SAMMSON: variants seen among roughly 807,000 people sequenced by gnomAD.
SAMMSON encodes survival associated mitochondrial melanoma specific oncogenic non-coding RNA.
intron 7 of SAMMSON, among the ~76,000 whole-genome samples, chr3:70,326,257 C>A (rs1215690047): frequency 2.6e-5 from 4 of 152,002 alleles, no homozygotes. Context: ...ATATAGGCTG[C>A]AAATGATGGG....
chr3:70,248,361 AG>A (rs938057341), intron 4 of SAMMSON, among the ~76,000 whole-genome samples: 16 of 152,086 alleles, frequency 1.1e-4, no homozygotes, highest in African/African-American at 3.1e-4. Context: ...AATTTTGAAA[AG>A]CATGTTATAT....
At chr3:70,399,811 G>A (rs1424556739) in intron 2 of SAMMSON, among the ~76,000 whole-genome samples, 1 of 148,554 alleles carries the variant, frequency 6.7e-6, no homozygotes, top group Non-Finnish European at 1.5e-5. Flanking sequence ...GGAGGCAGAG[G>A]TTGCAGTGAG....
At chr3:70,321,701 A>T (rs184696392) in intron 7 of SAMMSON, among the ~76,000 whole-genome samples, 1 of 152,226 alleles carries the variant, frequency 6.6e-6, no homozygotes, top group African/African-American at 2.4e-5. Flanking sequence ...TTTATCCTAG[A>T]GGATCAACTT....
chr3:70,429,633 C>T (rs1002403946), intron 2 of SAMMSON, among the ~76,000 whole-genome samples: 7 of 152,152 alleles, frequency 4.6e-5, no homozygotes, highest in African/African-American at 1.7e-4. Flanking sequence ...TGTGTCCTCT[C>T]TTATTTCCTT....
chr3:70,393,711 G>T (rs12634673), downstream of SAMMSON, among the ~76,000 whole-genome samples: 1 of 151,874 alleles, frequency 6.6e-6, no homozygotes, highest in African/African-American at 2.4e-5. Context: ...AAAAAGTGTA[G>T]GAAACATCAG....
chr3:70,179,116 C>T (rs1701031446), intron 4 of SAMMSON, among the ~76,000 whole-genome samples: 1 of 152,146 alleles, frequency 6.6e-6, no homozygotes. Context: ...TAATTAGTCC[C>T]ATTTTAAAGA....
intron 3 of SAMMSON, chr3:70,015,368 A>G (rs2066978853): frequency 6.6e-6 from 1 of 151,666 alleles, no homozygotes; most frequent in Non-Finnish European, 1.5e-5. Context: ...CTCTGATTTT[A>G]AAAAAAGTAC....
intron 4 of SAMMSON, among the ~76,000 whole-genome samples, chr3:70,218,715 G>C (rs908956164): frequency 3.3e-5 from 5 of 152,046 alleles, no homozygotes; most frequent in Non-Finnish European, 7.4e-5. Flanking sequence ...GTCACTTAAA[G>C]CCTACAAGAG....
intron 6 of SAMMSON, among the ~76,000 whole-genome samples, chr3:70,259,340 A>G (rs986108014): frequency 1.3e-5 from 2 of 152,146 alleles, no homozygotes; most frequent in African/African-American, 4.8e-5. Flanking sequence ...AGCTCTTTAG[A>G]GGATCTAAAG....
At chr3:70,294,660 A>G (rs1335435022) in intron 7 of SAMMSON, among the ~76,000 whole-genome samples, 6 of 151,926 alleles carry the variant, frequency 3.9e-5, no homozygotes, top group Non-Finnish European at 5.9e-5. Flanking sequence ...TCAAAAAATA[A>G]AGTAATTTAT....
intron 4 of SAMMSON, among the ~76,000 whole-genome samples, chr3:70,170,739 A>G (rs1025617752): frequency 1.6e-4 from 24 of 151,942 alleles, no homozygotes; most frequent in African/African-American, 5.1e-4. Context: ...TCTAGATATT[A>G]TTTTCTGTAT....
intron 3 of SAMMSON, among the ~76,000 whole-genome samples, chr3:70,064,437 T>G (rs551108675): frequency 6.6e-6 from 1 of 152,114 alleles, no homozygotes; most frequent in Non-Finnish European, 1.5e-5. Context: ...CAAGGAATAA[T>G]ATTGCAATCC....
At chr3:70,284,938 T>C (rs1359830084) in intron 6 of SAMMSON, among the ~76,000 whole-genome samples, 1 of 152,180 alleles carries the variant, frequency 6.6e-6, no homozygotes, top group Non-Finnish European at 1.5e-5. Flanking sequence ...TTGGTGTAAC[T>C]GATTCATGTG....
At chr3:70,126,387 G>A in intron 4 of SAMMSON, 2 of 877,346 alleles carry the variant, frequency 2.3e-6, no homozygotes, top group South Asian at 2.8e-5. Context: ...CTTTATAGCT[G>A]CTTTTTAGGG....
intron 1 of SAMMSON, among the ~76,000 whole-genome samples, chr3:70,002,465 A>G (rs1158963299): frequency 1.3e-5 from 2 of 152,186 alleles, no homozygotes; most frequent in Admixed American, 6.5e-5. Context: ...GAGAATATAT[A>G]AAAACACAAA....
chr3:70,157,354 G>C (rs987589740), intron 4 of SAMMSON, among the ~76,000 whole-genome samples: 1 of 152,054 alleles, frequency 6.6e-6, no homozygotes, highest in African/African-American at 2.4e-5. Context: ...CCATACCTTA[G>C]AGCCCTCAGG....
At chr3:70,162,537 A>G (rs1336706342) in intron 4 of SAMMSON, among the ~76,000 whole-genome samples, 2 of 151,716 alleles carry the variant, frequency 1.3e-5, no homozygotes, top group Admixed American at 1.3e-4. Context: ...ATGTGTTATG[A>G]TTTGTAGTAT....
intron 4 of SAMMSON, among the ~76,000 whole-genome samples, chr3:70,178,141 T>C (rs1354762139): frequency 2.0e-5 from 3 of 152,132 alleles, no homozygotes; most frequent in Non-Finnish European, 2.9e-5. Flanking sequence ...AGGAGGGCTG[T>C]CCTATTGTCT....
At chr3:70,040,014 G>A (rs1366211599) in intron 3 of SAMMSON, among the ~76,000 whole-genome samples, 1 of 152,070 alleles carries the variant, frequency 6.6e-6, no homozygotes, top group African/African-American at 2.4e-5. Context: ...TTATTTGTTA[G>A]TATGGCAACA....
Sources: gnomAD v4.1 joint callset for allele counts (sites outside exome capture counted in the v4.1 genomes callset) on GRCh38, gnomAD v4.1.1 for gene constraint, MANE v1.5 for transcripts, NCBI Gene and HGNC (gene_info 2026-07-23, HGNC 2026-07-21) for gene names.